Variants in NCAPG2 observed in about 807,000 individuals in gnomAD.
NCAPG2 encodes non-SMC condensin II complex subunit G2.
NCAPG2 carries 53 observed loss-of-function variants against 141.1 expected under a neutral mutation model. The observed-to-expected ratio is 0.38, with a 90% CI of 0.30 to 0.47. The LOEUF is 0.47. NCAPG2 is among the 20% of genes least tolerant of loss of function. The pLI is 0.99. For missense variants in NCAPG2, 1,087 were observed against 1,389.0 expected, an observed-to-expected ratio of 0.78 and a Z score of 3.46; for synonymous variants, 499 against 490.7, an observed-to-expected ratio of 1.02 and a Z score of -0.22.
chr7:158,704,547 G>A (rs1836045484), intron 1 of NCAPG2, among the ~76,000 whole-genome samples, 177 bp downstream of exon 1: 1 of 152,206 alleles, frequency 6.6e-6, no homozygotes, highest in East Asian at 1.9e-4. Context: ...ATGGCCCGGG[G>A]TCGCCAGTTC....
intron 1 of NCAPG2, among the ~76,000 whole-genome samples, chr7:158,702,644 T>C (rs374856349): frequency 2.0e-5 from 3 of 152,294 alleles, no homozygotes; most frequent in East Asian, 3.9e-4. Flanking sequence ...TGGAACACAT[T>C]TGCAGTAGGA....
At chr7:158,643,729 G>A (rs1830802302) in intron 27 of NCAPG2, among the ~76,000 whole-genome samples, 1 of 152,192 alleles carries the variant, frequency 6.6e-6, no homozygotes, top group Non-Finnish European at 1.5e-5. Context: ...CTTTGTGGTT[G>A]ATCTAAAAGT....
At chr7:158,658,432 A>G in intron 16 of NCAPG2, 24 bp from the exon 17 acceptor site, 1 of 1,586,690 alleles carries the variant, frequency 6.3e-7, no homozygotes, top group Middle Eastern at 1.7e-4. Context: ...AAGAAAAACA[A>G]AACAAAGCAT....
chr7:158,660,037 G>A (rs971219579), intron 16 of NCAPG2, among the ~76,000 whole-genome samples: 9 of 151,944 alleles, frequency 5.9e-5, no homozygotes, highest in East Asian at 1.9e-4. Context: ...GCGTGAACCC[G>A]GGAGGCGAGG....
At chr7:158,655,869 G>A (rs1831934629) in intron 19 of NCAPG2, among the ~76,000 whole-genome samples, 1 of 152,242 alleles carries the variant, frequency 6.6e-6, no homozygotes. Context: ...ACAGCTGGGA[G>A]CATGATGGGT....
chr7:158,686,147 T>A (rs73732810), intron 8 of NCAPG2, 25 bp downstream of exon 8: 16 of 1,392,916 alleles, frequency 1.1e-5, no homozygotes, highest in Non-Finnish European at 1.6e-5. Flanking sequence ...AAAATAAGTG[T>A]TAACATTTAA....
rs75616774 is a variant in NCAPG2, at chr7:158,693,280, G to A, written c.267+29C>T. ...TTTTTGACAAAAAAAAGAGAAAAAC[G>A]TTTCTTATTTTTGAAAAACAAATAC... On this transcript the variant is annotated intron_variant, in intron 3 of 27. Transcript: ENST00000356309. The A allele has an allele frequency of 3.1e-3, 4,885 of 1,578,504 alleles. 225 individuals carry two copies. The East Asian group carries it at 0.094, about 30-fold the overall frequency.
At chr7:158,676,758 C>T (rs927483028) in intron 11 of NCAPG2, among the ~76,000 whole-genome samples, 1 of 152,114 alleles carries the variant, frequency 6.6e-6, no homozygotes, top group African/African-American at 2.4e-5. Context: ...CAACAGAATT[C>T]TTACTACTTT....
chr7:158,680,654 G>T, intron 10 of NCAPG2, 67 bp downstream of exon 10: 1 of 1,035,344 alleles, frequency 9.7e-7, no homozygotes, highest in Non-Finnish European at 1.3e-6. Context: ...TTTGGACTTA[G>T]AGTTTGCTAA....
chr7:158,655,215 G>T lies in NCAPG2; in HGVS notation c.2549C>A (p.Thr850Asn). The stretch of plus-strand genomic sequence containing the variant: ...AATTTTGCTTTCTAACCAAAAGCCA[G>T]TGTCTTCCAACATGGACAAATACAC... The part of the protein sequence containing the change: ...GKVYLSMLED[T>N]GFWLESKILS... The change falls in exon 21 of 28, where the codon ACT (threonine) becomes AAT (asparagine). Residue 850 changes from threonine to asparagine, a missense_variant. Thr to Asn is a moderately conservative substitution (Grantham distance 65). Transcript: ENST00000356309. 1.2e-6 allele frequency: 2 copies of T among 1,614,122 alleles called. No homozygotes were observed. The highest frequency in any genetic ancestry group is 1.7e-4 in the Middle Eastern group (1 of 6,060).
chr7:158,674,174 C>A (rs1833914147), intron 12 of NCAPG2, among the ~76,000 whole-genome samples: 1 of 151,988 alleles, frequency 6.6e-6, no homozygotes, highest in Non-Finnish European at 1.5e-5. Flanking sequence ...TCTTTCTCTG[C>A]AATGAGGAGA....
At chr7:158,699,021 C>T (rs756275621) in intron 2 of NCAPG2, among the ~76,000 whole-genome samples, 4 of 151,984 alleles carry the variant, frequency 2.6e-5, no homozygotes, top group South Asian at 2.1e-4. Context: ...TGGCCTCAAA[C>T]GATCCTCCTG....
intron 2 of NCAPG2, among the ~76,000 whole-genome samples, chr7:158,700,534 T>A (rs187992861): frequency 3.3e-5 from 5 of 152,364 alleles, no homozygotes; most frequent in South Asian, 4.1e-4. Context: ...ATACAATCCA[T>A]ATACACTGCT....
intron 2 of NCAPG2, chr7:158,696,504 T>C (rs1835453593): frequency 6.6e-6 from 1 of 151,808 alleles, no homozygotes; most frequent in South Asian, 2.1e-4. Flanking sequence ...AAATACGAAC[T>C]GAAATGTTTA....
intron 8 of NCAPG2, among the ~76,000 whole-genome samples, 185 bp downstream of exon 8, chr7:158,685,987 T>A (rs1355966825): frequency 6.6e-6 from 1 of 152,194 alleles, no homozygotes; most frequent in Non-Finnish European, 1.5e-5. Context: ...AAGAGCACAG[T>A]CCTACCTCCC....
rs1331158351 is a variant in NCAPG2 at position 158,687,335 on chromosome 7, T to A, written c.767+13A>T. ...TAAGACAGCACAAAATCTTCAGTACTTTTAACACTTACTTTTGTAATCCCT... is the reference window on the plus strand; with the variant it reads ...TAAGACAGCACAAAATCTTCAGTACATTTAACACTTACTTTTGTAATCCCT... On this transcript the variant is annotated intron_variant, in intron 7 of 27. Coordinates refer to ENST00000356309, the MANE Select transcript of NCAPG2 (RefSeq NM_017760.7). The A allele has an allele frequency of 1.3e-6, 2 of 1,584,876 alleles. No homozygotes were observed. Among genetic ancestry groups the A allele is most frequent in the Non-Finnish European group, 1.7e-6 (2 of 1,159,986 alleles).
intron 13 of NCAPG2, among the ~76,000 whole-genome samples, chr7:158,668,819 T>C (rs1833479550): frequency 6.6e-6 from 1 of 152,084 alleles, no homozygotes; most frequent in African/African-American, 2.4e-5. Flanking sequence ...TTTGTTAAAT[T>C]GGTAGACATG....
chr7:158,648,415 C>A (rs1385647159), intron 24 of NCAPG2, among the ~76,000 whole-genome samples: 1 of 151,084 alleles, frequency 6.6e-6, no homozygotes, highest in Non-Finnish European at 1.5e-5. Flanking sequence ...GAAAGACTAA[C>A]AGAACAGACA....
intron 27 of NCAPG2, among the ~76,000 whole-genome samples, chr7:158,632,566 G>A (rs1362317982): frequency 1.3e-5 from 2 of 152,150 alleles, no homozygotes; most frequent in Non-Finnish European, 2.9e-5. Flanking sequence ...GAATCTCAGC[G>A]AGATTTAAAA....
Sources: gnomAD v4.1 joint callset for allele counts (sites outside exome capture counted in the v4.1 genomes callset) on GRCh38, gnomAD v4.1.1 for gene constraint, MANE v1.5 for transcripts, NCBI Gene and HGNC (gene_info 2026-07-23, HGNC 2026-07-21) for gene names.